COPZ1: variants seen among roughly 807,000 people sequenced by gnomAD.
COPZ1 encodes the protein coatomer subunit zeta-1.
A neutral mutation model predicts 31.7 loss-of-function variants in COPZ1; 4 were observed. The observed-to-expected ratio is 0.13, with a 90% CI of 0.06 to 0.29. COPZ1 has a LOEUF of 0.29. COPZ1 is among the 10% of genes least tolerant of loss of function. The pLI is 1.00. For missense variants in COPZ1, 156 were observed against 211.5 expected (o/e 0.74, Z 1.63); for synonymous variants, 74 against 79.0 (o/e 0.94, Z 0.33).
intron 1 of COPZ1, among the ~76,000 whole-genome samples, chr12:54,329,818 A>G (rs1269873954): frequency 6.6e-6 from 1 of 152,164 alleles, no homozygotes; most frequent in East Asian, 1.9e-4. Flanking sequence ...ATGAGTATGT[A>G]TGGAGGAGGA....
intron 1 of COPZ1, among the ~76,000 whole-genome samples, chr12:54,331,137 A>C (rs1466666254): frequency 6.7e-6 from 1 of 150,100 alleles, no homozygotes; most frequent in Non-Finnish European, 1.5e-5. Flanking sequence ...CTGCAGATGA[A>C]GCCTGCTTTT....
rs191743273 is a variant in COPZ1 at position 54,331,510 on chromosome 12, C to G, written c.18+6329C>G. On this transcript the variant is annotated intron_variant, in intron 1 of 8. Coordinates refer to ENST00000262061, the MANE Select transcript of COPZ1 (RefSeq NM_016057.3). ...CTCACTCTCAATGCAGATATCCCATCCATAGCCAATTGCCCTGGATAGCTC... is the reference window on the plus strand; with the variant it reads ...CTCACTCTCAATGCAGATATCCCATGCATAGCCAATTGCCCTGGATAGCTC... Among the ~76,000 whole-genome samples the G allele has an allele frequency of 2.4e-3, 370 of 152,204 alleles. 1 individual carries two copies. The highest frequency in any genetic ancestry group is 7.8e-3 in the African/African-American group (323 of 41,546).
In COPZ1 at chr12:54,336,138, G is replaced by A. The variant is rs185704319; in HGVS notation, c.19-4409G>A. On this transcript the variant is annotated intron_variant, in intron 1 of 8. Transcript: ENST00000262061. ...AAACATATTCTCCCAGTCTTCTGGT[G>A]GCTTACTAAGATCTTACCCCAAAGA... 6.6e-5 allele frequency among the ~76,000 whole-genome samples: 10 copies of A among 152,180 alleles called. No individual in the cohort carries two copies. The East Asian group carries it at 1.9e-3, about 29-fold the overall frequency.
rs1491341754 is a variant in COPZ1, at chr12:54,339,975, C to CTGTG, written c.19-571_19-568dup. 4.0e-5 allele frequency among the ~76,000 whole-genome samples: 5 copies of CTGTG among 123,502 alleles called. No individual in the cohort carries two copies. In the Admixed American group the frequency reaches 4.1e-4, roughly 10 times the overall value. 81.0% of individuals were successfully genotyped at this position (123,502 alleles called of 152,430 possible). A position where few individuals can be genotyped will look rare whatever the true frequency, so the allele number is the denominator to read the frequency against. On this transcript the variant is annotated intron_variant, in intron 1 of 8. Transcript: ENST00000262061. ...TAGGCTGCATTGAGAACTGGTGTGC[C>CTGTG]TGTGCGTGTGTGTGTGTGTGTGTGT... is the stretch of plus-strand genomic sequence containing the variant.
At chr12:54,346,944 T>TA (rs1954074224) in intron 5 of COPZ1, among the ~76,000 whole-genome samples, 1 of 152,176 alleles carries the variant, frequency 6.6e-6, no homozygotes, top group Admixed American at 6.6e-5. Flanking sequence ...TGTTCTCTGT[T>TA]ACCCGTGTAG....
chr12:54,331,187 T>C (rs1331983071), intron 1 of COPZ1, among the ~76,000 whole-genome samples: 2 of 146,512 alleles, frequency 1.4e-5, no homozygotes, highest in Non-Finnish European at 3.0e-5. Context: ...TTTTTTTTTT[T>C]TTTTTTTTTT....
At position 54,325,306 on chromosome 12, in the gene COPZ1, A is replaced by G. The variant is rs1014812215; in HGVS notation, c.18+125A>G. 6.3e-6 allele frequency: 8 copies of G among 1,274,940 alleles called. No individual in the cohort carries two copies. In the African/African-American group the frequency reaches 1.2e-4, roughly 19 times the overall value. 79.0% of individuals were successfully genotyped at this position (1,274,940 alleles called of 1,614,324 possible). ...TTCTTGGGGACTGAGCGTTCTGCTG[A>G]CCTTTGGAATAAGTGTGTGGCCTAG... is the stretch of plus-strand genomic sequence containing the variant. On this transcript the variant is annotated intron_variant, in intron 1 of 8. Coordinates refer to ENST00000262061, the MANE Select transcript of COPZ1 (RefSeq NM_016057.3).
In COPZ1 at chr12:54,345,489, C is replaced by G. The variant is rs574868630; in HGVS notation, c.291C>G (p.Leu97=). ...TGCTTATGGCTGTTCTGAACTGTCT[C>G]TTCGACTCATTGAGCCAGATGCTGA... ...ELMLMAVLNC[L]FDSLSQMLRK... The change falls in exon 5 of 9, where the codon CTC becomes CTG. Residue 97 remains leucine, a synonymous_variant. Transcript: ENST00000262061. 50 of 1,613,838 alleles carry G rather than the reference C, an allele frequency of 3.1e-5. 1 individual carries two copies. In the South Asian group the frequency reaches 4.2e-4, roughly 13 times the overall value.
At chr12:54,335,358 T>TTGCCACATCAGGGTAA (rs1300017600) in intron 1 of COPZ1, among the ~76,000 whole-genome samples, 4 of 152,040 alleles carry the variant, frequency 2.6e-5, no homozygotes, top group Admixed American at 6.6e-5. Flanking sequence ...CCAAGACCCA[T>TTGCCACATCAGGGTAA]TGCCACATCA....
At chr12:54,330,661 C>T (rs997063383) in intron 1 of COPZ1, among the ~76,000 whole-genome samples, 7 of 152,288 alleles carry the variant, frequency 4.6e-5, no homozygotes, top group Non-Finnish European at 1.0e-4. Flanking sequence ...AGGTATTTGA[C>T]GGAGCCTAGT....
chr12:54,347,503 G>T (rs1220268420), intron 5 of COPZ1, among the ~76,000 whole-genome samples: 1 of 152,244 alleles, frequency 6.6e-6, no homozygotes, highest in East Asian at 1.9e-4. Flanking sequence ...AGGTAGGAAA[G>T]AAATAATAGC....
At chr12:54,340,760 T>C in intron 2 of COPZ1, 145 bp downstream of exon 2, 1 of 883,224 alleles carries the variant, frequency 1.1e-6, no homozygotes, top group Non-Finnish European at 1.7e-6. Flanking sequence ...AGATGGAGTT[T>C]CGCTCTTATC....
intron 8 of COPZ1, chr12:54,350,135 C>A: frequency 1.6e-6 from 1 of 642,716 alleles, no homozygotes; most frequent in Non-Finnish European, 2.8e-6. Flanking sequence ...CGTTTTCTAC[C>A]CACTTGGAAT....
chr12:54,343,453 C>A, intron 4 of COPZ1, 137 bp downstream of exon 4: 1 of 686,244 alleles, frequency 1.5e-6, no homozygotes. Flanking sequence ...GTCAGAGATC[C>A]CACCAGCCTC....
intron 1 of COPZ1, among the ~76,000 whole-genome samples, chr12:54,336,720 G>A (rs1243255786): frequency 6.7e-6 from 1 of 150,182 alleles, no homozygotes; most frequent in Non-Finnish European, 1.5e-5. Context: ...CTTTTCACCA[G>A]GCTTTAGAAG....
At chr12:54,337,000 T>G (rs1953880266) in intron 1 of COPZ1, among the ~76,000 whole-genome samples, 1 of 114,698 alleles carries the variant, frequency 8.7e-6, no homozygotes. Flanking sequence ...CCAGCCTGGG[T>G]GACAGAGAGA....
intron 1 of COPZ1, among the ~76,000 whole-genome samples, chr12:54,336,778 C>A (rs1953873900): frequency 6.6e-6 from 1 of 152,028 alleles, no homozygotes; most frequent in Non-Finnish European, 1.5e-5. Context: ...AATCCCAGCA[C>A]TTTGGGAGGC....
intron 1 of COPZ1, among the ~76,000 whole-genome samples, chr12:54,326,656 TG>T (rs1360614338): frequency 6.7e-5 from 10 of 149,222 alleles, no homozygotes; most frequent in African/African-American, 2.5e-4. Context: ...TGTGTGTGTG[TG>T]TGTGTGTGTG....
chr12:54,342,682 G>T, intron 3 of COPZ1: 1 of 217,142 alleles, frequency 4.6e-6, no homozygotes, highest in Non-Finnish European at 9.3e-6. Context: ...TAGTGGGCAG[G>T]AACAGAGGAT....
Sources: allele counts gnomAD v4.1 joint callset (sites outside exome capture counted in the v4.1 genomes callset), GRCh38; gene constraint gnomAD v4.1.1; transcripts MANE v1.5; gene names NCBI Gene and HGNC (gene_info 2026-07-23, HGNC 2026-07-21).